The following ADRA1A variants were observed in gnomAD, a reference collection of about 807,000 sequenced individuals.
The protein encoded by ADRA1A is alpha-1A adrenergic receptor.
Under a neutral mutation model 29.6 loss-of-function variants are expected in ADRA1A, and 31 were observed. That is an observed-to-expected ratio of 1.05 (90% confidence interval 0.79 to 1.41). The LOEUF is 1.41. ADRA1A is among the 40% of genes most tolerant of loss of function. The pLI, the probability that ADRA1A is intolerant of heterozygous loss-of-function variation, is 0.00. For missense variants in ADRA1A, 619 were observed against 601.1 expected (o/e 1.03, Z -0.31); for synonymous variants, 311 against 254.3 (o/e 1.22, Z -2.12).
At position 26,769,891 on chromosome 8, in the gene ADRA1A, G is replaced by A. The variant is rs146756352; in HGVS notation, c.*258C>T. ...TCCCATGGTGGTTTTCGTTGAAGTG[G>A]GCACAGAGTGACCAAGAAAGCATTA... On this transcript the variant is annotated 3_prime_UTR_variant, in exon 3 of 3. Coordinates refer to ENST00000380573, the MANE Select transcript of ADRA1A (RefSeq NM_000680.4). 6.2e-4 allele frequency: 757 copies of A among 1,230,776 alleles called. 10 individuals are homozygous for A. In the Admixed American group the frequency reaches 0.02, roughly 32 times the overall value. 76.2% of individuals were successfully genotyped at this position (1,230,776 alleles called of 1,614,324 possible). A position where few individuals can be genotyped will look rare whatever the true frequency, so the allele number is the denominator to read the frequency against.
At chr8:26,822,860 G>A (rs936749312) in intron 2 of ADRA1A, among the ~76,000 whole-genome samples, 7 of 152,170 alleles carry the variant, frequency 4.6e-5, no homozygotes, top group Non-Finnish European at 8.8e-5. Flanking sequence ...TGGAGCAGAA[G>A]CAAGAAAGTG....
chr8:26,789,810 A>G (rs1229314152), intron 2 of ADRA1A, among the ~76,000 whole-genome samples: 2 of 152,208 alleles, frequency 1.3e-5, no homozygotes, highest in African/African-American at 4.8e-5. Flanking sequence ...AATAATCTGA[A>G]CAGATATTTC....
chr8:26,797,975 C>T (rs1271999728), intron 2 of ADRA1A, among the ~76,000 whole-genome samples: 1 of 151,142 alleles, frequency 6.6e-6, no homozygotes, highest in Non-Finnish European at 1.5e-5. Context: ...TCTGCATCGA[C>T]AGTAAGTTAG....
intron 2 of ADRA1A, among the ~76,000 whole-genome samples, chr8:26,773,480 C>G (rs1806325050): frequency 6.6e-6 from 1 of 152,128 alleles, no homozygotes; most frequent in African/African-American, 2.4e-5. Context: ...TCACAAAGAC[C>G]TGCCTGGGCC....
At chr8:26,843,055 C>G (rs1014842848) in intron 2 of ADRA1A, among the ~76,000 whole-genome samples, 6 of 152,154 alleles carry the variant, frequency 3.9e-5, no homozygotes, top group Non-Finnish European at 8.8e-5. Context: ...TGGAAACTTC[C>G]CTAATTAAGA....
chr8:26,858,202 A>T (rs1281928860), intron 2 of ADRA1A, among the ~76,000 whole-genome samples: 5 of 152,200 alleles, frequency 3.3e-5, no homozygotes, highest in African/African-American at 7.2e-5. Flanking sequence ...GCCTCCTTTG[A>T]TTCAGTGGCA....
At chr8:26,840,426 A>G (rs1427294978) in intron 2 of ADRA1A, among the ~76,000 whole-genome samples, 2 of 152,220 alleles carry the variant, frequency 1.3e-5, no homozygotes, top group Non-Finnish European at 2.9e-5. Context: ...TGGCTTCTAT[A>G]CAAACAACAT....
chr8:26,774,363 A>G (rs1806386561), intron 2 of ADRA1A, among the ~76,000 whole-genome samples: 1 of 152,164 alleles, frequency 6.6e-6, no homozygotes, highest in Non-Finnish European at 1.5e-5. Flanking sequence ...GAACTTTCCA[A>G]AGAGTGAGAA....
Position 26,841,310 on chromosome 8 carries a change from A to G in ADRA1A, c.883+22777T>C, listed in dbSNP as rs927655432. On this transcript the variant is annotated intron_variant, in intron 2 of 2. Coordinates refer to ENST00000380573, the MANE Select transcript of ADRA1A (RefSeq NM_000680.4). This position sits in a 1 kb window ranked among gnomAD's most constrained non-coding sequence, Gnocchi z 4.4. ...GACCGTTCCAATCTCAGAGGACCACAGTCTCAAGGCCACCTACAGTTTCCT... is the reference window on the plus strand; with the variant it reads ...GACCGTTCCAATCTCAGAGGACCACGGTCTCAAGGCCACCTACAGTTTCCT... 6.6e-6 allele frequency among the ~76,000 whole-genome samples: 1 copy of G among 152,206 alleles called. No individual in the cohort carries two copies. Among genetic ancestry groups the G allele is most frequent in the African/African-American group, 2.4e-5 (1 of 41,446 alleles).
At position 26,865,239 on chromosome 8, in the gene ADRA1A, T is replaced by G; in HGVS notation, c.-270A>C. The G allele has an allele frequency of 7.7e-7, 1 of 1,300,772 alleles. No individual in the cohort carries two copies. The allele number at this position is 1,300,772 out of a possible 1,614,324, so 80.6% of individuals were successfully genotyped here. On this transcript the variant is annotated 5_prime_UTR_variant, in exon 2 of 3. Coordinates refer to ENST00000380573, the MANE Select transcript of ADRA1A (RefSeq NM_000680.4). The surrounding 1 kb of genome is among the most constrained non-coding windows in gnomAD (Gnocchi z 7.6). ...CGGGGACCCTCTCCACCTGCCGGGCTGGCCTAGCCCGGGACCCGGACTCCC... is the reference window on the plus strand; with the variant it reads ...CGGGGACCCTCTCCACCTGCCGGGCGGGCCTAGCCCGGGACCCGGACTCCC...
intron 2 of ADRA1A, among the ~76,000 whole-genome samples, chr8:26,757,929 A>G (rs1805283114): frequency 6.6e-6 from 1 of 152,168 alleles, no homozygotes; most frequent in Non-Finnish European, 1.5e-5. Flanking sequence ...TTCATAGGAC[A>G]ACTATGATAA....
intron 2 of ADRA1A, among the ~76,000 whole-genome samples, chr8:26,802,492 C>A (rs1368947013): frequency 6.6e-6 from 1 of 152,148 alleles, no homozygotes; most frequent in African/African-American, 2.4e-5. Flanking sequence ...CATTATTTAT[C>A]ATCAGAGAAA....
At chr8:26,850,323 T>G (rs1812536853) in intron 2 of ADRA1A, among the ~76,000 whole-genome samples, 1 of 152,226 alleles carries the variant, frequency 6.6e-6, no homozygotes, top group Admixed American at 6.5e-5. Context: ...ACGTCATTTA[T>G]GAAGCATTAA....
At chr8:26,757,943 A>G (rs1354782217) in intron 2 of ADRA1A, among the ~76,000 whole-genome samples, 1 of 152,174 alleles carries the variant, frequency 6.6e-6, no homozygotes, top group African/African-American at 2.4e-5. Context: ...ATGATAACTT[A>G]ATATACTTTC....
At position 26,865,088 on chromosome 8, in the gene ADRA1A, T is replaced by G; in HGVS notation, c.-119A>C. ...CTCGGCTGGAGGGAGCCCTGCCAGG[T>G]GGGTTTGGCTGGGGGTGAGAGCGCG... On this transcript the variant is annotated 5_prime_UTR_variant, in exon 2 of 3. Transcript: ENST00000380573. The surrounding 1 kb of genome is among the most constrained non-coding windows in gnomAD (Gnocchi z 7.6). 2 of 1,498,488 alleles carry G rather than the reference T, an allele frequency of 1.3e-6. No homozygotes were observed. Among genetic ancestry groups the G allele is most frequent in the Non-Finnish European group, 1.8e-6 (2 of 1,134,830 alleles). 92.8% of individuals were successfully genotyped at this position (1,498,488 alleles called of 1,614,324 possible). A position where few individuals can be genotyped will look rare whatever the true frequency, so the allele number is the denominator to read the frequency against.
chr8:26,832,703 G>A (rs1811071548), intron 2 of ADRA1A, among the ~76,000 whole-genome samples: 1 of 152,150 alleles, frequency 6.6e-6, no homozygotes, highest in Non-Finnish European at 1.5e-5. Flanking sequence ...AACAGGCTCT[G>A]GGAAGTAGAC....
chr8:26,756,202 T>C (rs1805157650), downstream of ADRA1A, among the ~76,000 whole-genome samples: 1 of 152,246 alleles, frequency 6.6e-6, no homozygotes, highest in South Asian at 2.1e-4. Context: ...TAACATCTAA[T>C]AGGACACAGC....
chr8:26,771,495 C>T (rs74691716), intron 2 of ADRA1A, among the ~76,000 whole-genome samples: 3,024 of 152,290 alleles, frequency 0.02, 186 homozygotes, highest in East Asian at 0.2. Context: ...AAACCCTACC[C>T]GTTGATGTGC....
At chr8:26,832,387 C>T (rs1811044845) in intron 2 of ADRA1A, among the ~76,000 whole-genome samples, 1 of 152,142 alleles carries the variant, frequency 6.6e-6, no homozygotes, top group African/African-American at 2.4e-5. Flanking sequence ...CCTCTGTAAA[C>T]AATGTGCACT....
Sources: gnomAD v4.1 joint callset for allele counts (sites outside exome capture counted in the v4.1 genomes callset) on GRCh38, gnomAD v4.1.1 for gene constraint, Gnocchi (gnomAD v3.1) non-coding constraint, MANE v1.5 for transcripts, NCBI Gene and HGNC (gene_info 2026-07-23, HGNC 2026-07-21) for gene names.